TSC22D1: variants seen among roughly 807,000 people sequenced by gnomAD.
The protein encoded by TSC22D1 is TSC22 domain family protein 1.
In TSC22D1, 9 loss-of-function variants were observed where a neutral mutation model predicts 74.2. The ratio of observed to expected loss-of-function variants is 0.12; its 90% CI spans 0.07 to 0.21. TSC22D1 has a LOEUF of 0.21. TSC22D1 is among the 10% of genes least tolerant of loss of function. The pLI, the probability that TSC22D1 is intolerant of heterozygous loss-of-function variation, is 1.00. For synonymous variants in TSC22D1, 586 were observed against 492.5 expected, an observed-to-expected ratio of 1.19 and a Z score of -2.51; for missense variants, 1,427 against 1,304.7, an observed-to-expected ratio of 1.09 and a Z score of -1.44.
intron 1 of TSC22D1, chr13:44,516,371 T>C (rs1322740551): frequency 4.5e-6 from 2 of 448,982 alleles, no homozygotes; most frequent in Non-Finnish European, 8.7e-6. Flanking sequence ...ATTCTCTTAA[T>C]AGTCTTTTTA....
intron 1 of TSC22D1, among the ~76,000 whole-genome samples, chr13:44,517,827 G>GTATATATATATA (rs1278120734): frequency 4.5e-4 from 11 of 24,628 alleles, no homozygotes; most frequent in African/African-American, 8.7e-4. Flanking sequence ...GTGTGTGTGT[G>GTATATATATATA]TGTATATATA....
rs533881169 is a variant in TSC22D1, at chr13:44,559,789, C to T, written c.2912+13374G>A. ...CACTGCAACCTCTGCCTTCCAGGTC[C>T]AAACGATTCTCATACCTCAGCCTCC... On this transcript the variant is annotated intron_variant, in intron 1 of 2. Coordinates refer to ENST00000458659, the MANE Select transcript of TSC22D1 (RefSeq NM_183422.4). 4.6e-5 allele frequency among the ~76,000 whole-genome samples: 7 copies of T among 152,088 alleles called. No homozygotes were observed. The South Asian group carries it at 1.5e-3, about 32-fold the overall frequency.
chr13:44,553,464 TCTTA>T (rs1372295336), intron 1 of TSC22D1, among the ~76,000 whole-genome samples: 1 of 152,200 alleles, frequency 6.6e-6, no homozygotes, highest in East Asian at 1.9e-4. Context: ...TGACTTATAA[TCTTA>T]CTTAAAACAA....
intron 1 of TSC22D1, among the ~76,000 whole-genome samples, chr13:44,567,765 A>T (rs184047014): frequency 1.5e-3 from 223 of 152,216 alleles, no homozygotes; most frequent in Non-Finnish European, 2.8e-3. Flanking sequence ...AGAGAGAAAA[A>T]ATAGAAAGAC....
At chr13:44,504,424 T>C (rs937747286) in intron 1 of TSC22D1, among the ~76,000 whole-genome samples, 2 of 151,778 alleles carry the variant, frequency 1.3e-5, no homozygotes, top group Non-Finnish European at 2.9e-5. Flanking sequence ...GGAAACATGA[T>C]GAAACCCTGT....
intron 1 of TSC22D1, among the ~76,000 whole-genome samples, chr13:44,478,903 G>GTGTA (rs1310806940): frequency 2.6e-5 from 4 of 152,044 alleles, no homozygotes. Context: ...TAGTGTGTGT[G>GTGTA]TGTGTGTGTG....
chr13:44,492,600 C>A (rs1349164142), intron 1 of TSC22D1, among the ~76,000 whole-genome samples: 1 of 152,064 alleles, frequency 6.6e-6, no homozygotes, highest in Non-Finnish European at 1.5e-5. Context: ...AGGTAAGCTG[C>A]TTTGGAGTCT....
rs867362689 is a variant in TSC22D1, at chr13:44,576,271, G to T, written c.-197C>A. On this transcript the variant is annotated 5_prime_UTR_variant, in exon 1 of 3. Coordinates refer to ENST00000458659, the MANE Select transcript of TSC22D1 (RefSeq NM_183422.4). ...GCTTCGGAAAGGAGGATGAACGAGG[G>T]TGAACAGGGCGGCCGGGGACCCGAA... 1.3e-6 allele frequency: 1 copy of T among 773,424 alleles called. No homozygotes were observed. The highest frequency in any genetic ancestry group is 2.0e-6 in the Non-Finnish European group (1 of 503,566). 47.9% of individuals were successfully genotyped at this position (773,424 alleles called of 1,614,324 possible). A position where few individuals can be genotyped will look rare whatever the true frequency, so the allele number is the denominator to read the frequency against.
chr13:44,534,451 G>C (rs73190824), intron 1 of TSC22D1, among the ~76,000 whole-genome samples: 13,069 of 150,268 alleles, frequency 0.087, 739 homozygotes, highest in Non-Finnish European at 0.12. Context: ...TGCATTTTTC[G>C]ATGTTATCCT....
intron 1 of TSC22D1, among the ~76,000 whole-genome samples, chr13:44,437,680 T>TGGAA (rs1874836469): frequency 1.3e-5 from 2 of 152,180 alleles, no homozygotes; most frequent in Non-Finnish European, 2.9e-5. Context: ...ATAAATCTAT[T>TGGAA]TTTAGTTAAG....
chr13:44,526,983 G>C (rs1425742782), intron 1 of TSC22D1, among the ~76,000 whole-genome samples: 1 of 152,114 alleles, frequency 6.6e-6, no homozygotes, highest in African/African-American at 2.4e-5. Flanking sequence ...GAGGAACAAG[G>C]ATAAGAATTA....
intron 1 of TSC22D1, among the ~76,000 whole-genome samples, chr13:44,476,274 G>A (rs1595104936): frequency 6.6e-6 from 1 of 152,082 alleles, no homozygotes; most frequent in Non-Finnish European, 1.5e-5. Flanking sequence ...ACAAACTGTA[G>A]GGAAACTTGT....
intron 2 of TSC22D1, 99 bp downstream of exon 2, chr13:44,435,945 T>C: frequency 8.2e-7 from 1 of 1,213,932 alleles, no homozygotes; most frequent in Non-Finnish European, 1.2e-6. Context: ...TCAAGAGCAA[T>C]CATCATCATC....
At chr13:44,496,715 A>T (rs1477839155) in intron 1 of TSC22D1, among the ~76,000 whole-genome samples, 1 of 151,916 alleles carries the variant, frequency 6.6e-6, no homozygotes, top group African/African-American at 2.4e-5. Flanking sequence ...TAAAAAATAA[A>T]TTAGTGGGGC....
chr13:44,539,087 T>A, intron 1 of TSC22D1: 1 of 985,310 alleles, frequency 1.0e-6, no homozygotes, highest in African/African-American at 1.7e-5. Context: ...CTTAATGCCA[T>A]GGGGGAAATC....
At chr13:44,455,021 C>T (rs1876464663) in intron 1 of TSC22D1, among the ~76,000 whole-genome samples, 1 of 151,988 alleles carries the variant, frequency 6.6e-6, no homozygotes, top group African/African-American at 2.4e-5. Context: ...ACAAAATGGA[C>T]AAAAGTCTCT....
chr13:44,509,950 C>CAAAAAAAAAAAAAAAAAAAAAGAAAA (rs1879625178), intron 1 of TSC22D1, among the ~76,000 whole-genome samples: 4 of 51,426 alleles, frequency 7.8e-5, no homozygotes, highest in Admixed American at 2.7e-4. Context: ...AGAAAATAAG[C>CAAAAAAAAAAAAAAAAAAAAAGAAAA]AAAAAAAAAA....
chr13:44,469,779 C>T (rs147902913), intron 1 of TSC22D1, among the ~76,000 whole-genome samples: 2 of 152,030 alleles, frequency 1.3e-5, no homozygotes, highest in African/African-American at 2.4e-5. Flanking sequence ...TCCACTTACT[C>T]GTCTACTATG....
intron 1 of TSC22D1, among the ~76,000 whole-genome samples, chr13:44,548,798 A>C (rs1566167623): frequency 6.6e-6 from 1 of 152,184 alleles, no homozygotes; most frequent in Non-Finnish European, 1.5e-5. Flanking sequence ...AGACACAAAA[A>C]GGATTTTTTC....
Sources: allele counts gnomAD v4.1 joint callset (sites outside exome capture counted in the v4.1 genomes callset), GRCh38; gene constraint gnomAD v4.1.1; transcripts MANE v1.5; gene names NCBI Gene and HGNC (gene_info 2026-07-23, HGNC 2026-07-21).